Variants in FABP12 observed in about 807,000 individuals in gnomAD.
The protein encoded by FABP12 is fatty acid binding protein 12, also known as fatty acid-binding protein 12.
Under a neutral mutation model 13.7 loss-of-function variants are expected in FABP12, and 19 were observed. The observed-to-expected ratio is 1.39, with a 90% confidence interval of 0.97 to 2.04. The LOEUF (loss-of-function observed/expected upper bound fraction) is 2.04. Ranked by LOEUF, FABP12 falls within the 30% of genes most tolerant of loss-of-function variation. The probability of loss-of-function intolerance (pLI) is 0.00; values close to 1 mark genes in which losing one functional copy is unlikely to be tolerated. For missense variants in FABP12, 182 were observed against 164.2 expected, an observed-to-expected ratio of 1.11 and a Z score of -0.59; for synonymous variants, 61 against 57.0, an observed-to-expected ratio of 1.07 and a Z score of -0.32.
At chr8:81,529,071 A>G (rs1039846702) in intron 3 of FABP12, among the ~76,000 whole-genome samples, 2 of 152,204 alleles carry the variant, frequency 1.3e-5, no homozygotes, top group African/African-American at 4.8e-5. Flanking sequence ...TCTGCCAGCT[A>G]ATACGAGGTT....
intron 1 of FABP12, among the ~76,000 whole-genome samples, chr8:81,559,573 TG>T (rs1388357818): frequency 1.3e-5 from 2 of 152,290 alleles, no homozygotes; most frequent in Admixed American, 6.5e-5. Flanking sequence ...TCCCTTGCCA[TG>T]AGTCTAGTTT....
intron 1 of FABP12, among the ~76,000 whole-genome samples, chr8:81,581,641 A>G (rs1810165746): frequency 6.6e-6 from 1 of 152,228 alleles, no homozygotes; most frequent in African/African-American, 2.4e-5. Context: ...TCTGAATAGA[A>G]ACTTTACAAG....
chr8:81,576,847 C>T (rs1169455587), intron 1 of FABP12, among the ~76,000 whole-genome samples: 9 of 152,122 alleles, frequency 5.9e-5, no homozygotes, highest in Admixed American at 5.9e-4. Context: ...ATGCAGCAAG[C>T]TTTATCTAGT....
rs1211034593 is a variant in FABP12 at position 81,570,370 on chromosome 8, T to C, written c.-185+19683A>G. 2.0e-5 allele frequency among the ~76,000 whole-genome samples: 3 copies of C among 152,274 alleles called. No homozygotes were observed. In the East Asian group the frequency reaches 5.8e-4, roughly 29 times the overall value. On this transcript the variant is annotated intron_variant, in intron 1 of 5. Coordinates refer to the FABP12 transcript ENST00000692030. ...CACCATTTGGCAGGTCCGAAGTTCTTGTTCTGCTACCAGGAAGAATGAGGC... is the reference window on the plus strand; with the variant it reads ...CACCATTTGGCAGGTCCGAAGTTCTCGTTCTGCTACCAGGAAGAATGAGGC...
chr8:81,525,102 C>T, exon 5 of FABP12: 1 of 1,587,054 alleles, frequency 6.3e-7, no homozygotes, highest in South Asian at 1.2e-5. Context: ...GTACAGATAA[C>T]ACTGTTCACA....
intron 1 of FABP12, among the ~76,000 whole-genome samples, chr8:81,575,635 C>G (rs1161818733): frequency 1.3e-5 from 2 of 152,126 alleles, no homozygotes; most frequent in Non-Finnish European, 2.9e-5. Flanking sequence ...CTTGGGAGCT[C>G]CAGTGTTAGC....
chr8:81,563,228 C>G (rs1259836908), intron 1 of FABP12, among the ~76,000 whole-genome samples: 1 of 152,212 alleles, frequency 6.6e-6, no homozygotes, highest in East Asian at 1.9e-4. Context: ...GCTTGTGATA[C>G]CCCTAAACAG....
chr8:81,574,365 A>T (rs1447038510), intron 1 of FABP12, among the ~76,000 whole-genome samples: 1 of 151,926 alleles, frequency 6.6e-6, no homozygotes, highest in East Asian at 1.9e-4. Context: ...TAGCATTTTG[A>T]TAAGAGTTTT....
At position 81,547,683 on chromosome 8, in the gene FABP12, A is replaced by G. The variant is rs549617916; in HGVS notation, c.-184-7940T>C. 3.3e-5 allele frequency among the ~76,000 whole-genome samples: 5 copies of G among 152,346 alleles called. No homozygotes were observed. The South Asian group carries it at 8.3e-4, about 25-fold the overall frequency. On this transcript the variant is annotated intron_variant, in intron 1 of 5. Transcript: ENST00000692030. ...TAATGTATCTATCATTTAATTTTTC[A>G]TAACTCATTCATTCAATACACATTT...
At chr8:81,584,651 G>A (rs1450529434) in intron 1 of FABP12, among the ~76,000 whole-genome samples, 1 of 152,068 alleles carries the variant, frequency 6.6e-6, no homozygotes, top group African/African-American at 2.4e-5. Context: ...CTTTCTTTTG[G>A]ATATGTACTC....
rs372512967 is a variant in FABP12, at chr8:81,527,008, G to A, written c.348+12C>T. On this transcript the variant is annotated intron_variant, in intron 4 of 4. Transcript: ENST00000360464. ...CAGAAGGTGGGAAGAAAGCGAGGAT[G>A]GGCTAACTCACCACCACCATTTTCC... 5.2e-6 allele frequency: 8 copies of A among 1,526,826 alleles called. No individual in the cohort carries two copies. The highest frequency in any genetic ancestry group is 2.7e-5 in the African/African-American group (2 of 72,944). 94.6% of individuals were successfully genotyped at this position (1,526,826 alleles called of 1,614,324 possible).
rs781709156 is a variant in FABP12 at position 81,525,082 on chromosome 8, G to A, written c.387C>T (p.Tyr129=). The A allele has an allele frequency of 1.2e-4, 185 of 1,595,406 alleles. No homozygotes were observed. In the Admixed American group the frequency reaches 1.8e-3, roughly 15 times the overall value. The change falls in exon 5 of 5, where the codon TAC becomes TAT. Residue 129 remains tyrosine, a synonymous_variant. Coordinates refer to ENST00000360464, the Ensembl canonical transcript of FABP12. Reference sequence around the variant, plus strand: ...AGACTGAGTTTGATGATACTTTCTCGTATGTTCGTGTACAGATAACACTGT... The same window carrying A: ...AGACTGAGTTTGATGATACTTTCTCATATGTTCGTGTACAGATAACACTGT...
At chr8:81,576,520 AACAC>A (rs1210155394) in intron 1 of FABP12, among the ~76,000 whole-genome samples, 3 of 149,444 alleles carry the variant, frequency 2.0e-5, no homozygotes, top group Non-Finnish European at 4.4e-5. Flanking sequence ...CAAACACACA[AACAC>A]ACACACACAC....
intron 1 of FABP12, among the ~76,000 whole-genome samples, chr8:81,543,870 A>G (rs1044342525): frequency 2.0e-5 from 3 of 149,922 alleles, no homozygotes; most frequent in African/African-American, 7.6e-5. Flanking sequence ...CAGTGGTACC[A>G]GGCAGAAAAT....
intron 1 of FABP12, among the ~76,000 whole-genome samples, chr8:81,570,646 A>G (rs1809913832): frequency 6.6e-6 from 1 of 152,054 alleles, no homozygotes; most frequent in Non-Finnish European, 1.5e-5. Context: ...AGGAGGCCCT[A>G]GAGTGGGTGG....
At chr8:81,548,794 G>C (rs550466943) in intron 1 of FABP12, among the ~76,000 whole-genome samples, 42 of 152,288 alleles carry the variant, frequency 2.8e-4, no homozygotes, top group African/African-American at 8.9e-4. Flanking sequence ...CATGTATGGT[G>C]TGGGGGTGGG....
chr8:81,550,328 G>T (rs890431356), intron 1 of FABP12, among the ~76,000 whole-genome samples: 3 of 152,184 alleles, frequency 2.0e-5, no homozygotes, highest in Non-Finnish European at 4.4e-5. Context: ...AAATGATGCT[G>T]ACCCAGTGAC....
Position 81,527,025 on chromosome 8 carries a change from C to T in FABP12, c.343G>A (p.Val115Met), listed in dbSNP as rs375525557. ...GCGAGGATGGGCTAACTCACCACCACCATTTTCCCATCCACCAGCTTTCTC... is the reference window on the plus strand; with the variant it reads ...GCGAGGATGGGCTAACTCACCACCATCATTTTCCCATCCACCAGCTTTCTC... Residue 115 changes from valine to methionine, a missense_variant, in exon 4 of 5, where the codon GTG becomes ATG. Coordinates refer to ENST00000360464, the Ensembl canonical transcript of FABP12. 534 of 1,602,674 alleles carry T rather than the reference C, an allele frequency of 3.3e-4. No homozygotes were observed. The highest frequency in any genetic ancestry group is 4.3e-4 in the Non-Finnish European group (508 of 1,172,662).
At chr8:81,537,771 G>A (rs1809258882), upstream of FABP12, among the ~76,000 whole-genome samples, 1 of 152,190 alleles carries the variant, frequency 6.6e-6, no homozygotes, top group African/African-American at 2.4e-5. Context: ...GAGGTGGGCA[G>A]TGGACAGGAA....
Sources: gnomAD v4.1 joint callset for allele counts (sites outside exome capture counted in the v4.1 genomes callset) on GRCh38, gnomAD v4.1.1 for gene constraint, MANE v1.5 for transcripts, NCBI Gene and HGNC (gene_info 2026-07-23, HGNC 2026-07-21) for gene names.